The following NEDD1 variants were observed in gnomAD, a reference collection of about 807,000 sequenced individuals.
The protein encoded by NEDD1 is protein NEDD1.
Under a neutral mutation model 74.0 loss-of-function variants are expected in NEDD1, and 33 were observed. The ratio of observed to expected loss-of-function variants is 0.45; its 90% confidence interval spans 0.34 to 0.60. The LOEUF (loss-of-function observed/expected upper bound fraction) is 0.60. Among genes scored for constraint, NEDD1 ranks in the 20% least tolerant of loss-of-function variants. The probability of loss-of-function intolerance (pLI) is 0.01; values close to 1 mark genes in which losing one functional copy is unlikely to be tolerated. For missense variants in NEDD1, 746 were observed against 776.5 expected (o/e 0.96, Z 0.47); for synonymous variants, 250 against 264.4 (o/e 0.95, Z 0.53).
intron 6 of NEDD1, among the ~76,000 whole-genome samples, chr12:96,933,827 GACA>G (rs1303303931): frequency 6.6e-6 from 1 of 152,074 alleles, no homozygotes; most frequent in African/African-American, 2.4e-5. Context: ...CCTAGTAAAT[GACA>G]ACATCAATAC....
chr12:96,934,625 C>T (rs1299914425), intron 6 of NEDD1, among the ~76,000 whole-genome samples: 3 of 152,140 alleles, frequency 2.0e-5, no homozygotes, highest in East Asian at 3.9e-4. Flanking sequence ...GCAGCCTCCA[C>T]CTCCTAGGTT....
At chr12:96,930,386 G>A (rs1290782572) in intron 6 of NEDD1, among the ~76,000 whole-genome samples, 1 of 152,118 alleles carries the variant, frequency 6.6e-6, no homozygotes, top group African/African-American at 2.4e-5. Context: ...CCAGCAAAGA[G>A]AAAAGTGCAT....
intron 2 of NEDD1, 53 bp from the exon 3 acceptor site, chr12:96,909,699 A>T: frequency 6.9e-6 from 10 of 1,441,380 alleles, no homozygotes; most frequent in Admixed American, 5.8e-5. Flanking sequence ...CCTTTTTTTG[A>T]GTATGTCTAT....
chr12:96,924,806 T>C (rs894521363), intron 6 of NEDD1: 3 of 450,762 alleles, frequency 6.7e-6, no homozygotes, highest in African/African-American at 2.0e-5. Context: ...ATATATGTTA[T>C]TACTTTTTCT....
intron 6 of NEDD1, among the ~76,000 whole-genome samples, chr12:96,922,869 C>G (rs1875251608): frequency 6.6e-6 from 1 of 152,118 alleles, no homozygotes; most frequent in Non-Finnish European, 1.5e-5. Context: ...AATCTCAGCA[C>G]TTTGGGAGGC....
intron 3 of NEDD1, 42 bp downstream of exon 3, chr12:96,909,937 C>G: frequency 1.9e-6 from 3 of 1,569,502 alleles, no homozygotes; most frequent in Non-Finnish European, 2.6e-6. Context: ...CACACACAAA[C>G]CGCTTATTAG....
chr12:96,908,151 C>T lies in NEDD1; in HGVS notation c.-9+295C>T, dbSNP rs531346618. Among the ~76,000 whole-genome samples the T allele has an allele frequency of 1.1e-4, 17 of 152,326 alleles. No homozygotes were observed. In the South Asian group the frequency reaches 3.3e-3, roughly 30 times the overall value. Reference sequence around the variant, plus strand: ...GGGCACGTGTTACACATGTTTAAGGCTCCAAATCCAAACATTGTGTTACAT... The same window carrying T: ...GGGCACGTGTTACACATGTTTAAGGTTCCAAATCCAAACATTGTGTTACAT... On this transcript the variant is annotated intron_variant, in intron 2 of 15. Transcript: ENST00000266742.
chr12:96,932,463 A>AAAATATATATATATATAT, intron 6 of NEDD1, among the ~76,000 whole-genome samples: 1 of 9,438 alleles, frequency 1.1e-4, no homozygotes, highest in African/African-American at 3.4e-4. Context: ...AAAAAAAAAA[A>AAAATATATATATATATAT]ATATATATAT....
chr12:96,921,471 G>A (rs1875084121), intron 6 of NEDD1, among the ~76,000 whole-genome samples: 1 of 152,064 alleles, frequency 6.6e-6, no homozygotes, highest in Non-Finnish European at 1.5e-5. Flanking sequence ...ATGAGCCACT[G>A]CACCCAGCCA....
chr12:96,916,705 G>A (rs181597702), intron 4 of NEDD1, among the ~76,000 whole-genome samples: 1,680 of 151,456 alleles, frequency 0.011, 15 homozygotes, highest in South Asian at 0.018. Context: ...GAGTAATGCC[G>A]CAATAAACAT....
intron 13 of NEDD1, among the ~76,000 whole-genome samples, chr12:96,945,159 T>C (rs1878075989): frequency 6.6e-6 from 1 of 152,098 alleles, no homozygotes; most frequent in African/African-American, 2.4e-5. Context: ...TGCAGACCCA[T>C]ACAAACTTCA....
chr12:96,911,599 G>A (rs892008864), intron 3 of NEDD1, among the ~76,000 whole-genome samples: 9 of 152,072 alleles, frequency 5.9e-5, no homozygotes, highest in African/African-American at 1.9e-4. Flanking sequence ...TTTAACTTAC[G>A]TTCCTCACTT....
chr12:96,933,966 T>A (rs1352066214), intron 6 of NEDD1, among the ~76,000 whole-genome samples: 1 of 152,210 alleles, frequency 6.6e-6, no homozygotes, highest in African/African-American at 2.4e-5. Flanking sequence ...GAAGAGAGAA[T>A]ATCTCCACTA....
chr12:96,918,677 C>T (rs544328895), intron 5 of NEDD1, among the ~76,000 whole-genome samples: 1 of 152,276 alleles, frequency 6.6e-6, no homozygotes, highest in East Asian at 1.9e-4. Context: ...TCTCTACAGT[C>T]GTCTCCCTGG....
intron 3 of NEDD1, among the ~76,000 whole-genome samples, chr12:96,910,946 T>C (rs1255024923): frequency 6.6e-6 from 1 of 152,222 alleles, no homozygotes; most frequent in Non-Finnish European, 1.5e-5. Context: ...ACAAAAATAT[T>C]AAAAGTTTTA....
chr12:96,913,227 A>G (rs1874101682), intron 4 of NEDD1, among the ~76,000 whole-genome samples: 1 of 152,152 alleles, frequency 6.6e-6, no homozygotes, highest in African/African-American at 2.4e-5. Context: ...AGCTGATGGT[A>G]GCTCTCTGCT....
At chr12:96,916,228 G>T (rs866882652) in intron 4 of NEDD1, among the ~76,000 whole-genome samples, 1 of 116,246 alleles carries the variant, frequency 8.6e-6, no homozygotes, top group African/African-American at 3.5e-5. Context: ...AGCCGTTGAA[G>T]ATTTATTATT....
intron 6 of NEDD1, among the ~76,000 whole-genome samples, chr12:96,932,861 CAA>C (rs550793067): frequency 1.6e-3 from 247 of 151,908 alleles, no homozygotes; most frequent in South Asian, 0.013. Context: ...GTCAGGAAAA[CAA>C]GAGTGTTTTC....
Position 96,935,034 on chromosome 12 carries a change from A to C in NEDD1, c.548A>C (p.Asp183Ala). The C allele has an allele frequency of 6.2e-7, 1 of 1,612,664 alleles. No homozygotes were observed. The highest frequency in any genetic ancestry group is 8.5e-7 in the Non-Finnish European group (1 of 1,178,636). The stretch of plus-strand genomic sequence containing the variant: ...AAATCACTACTGGGCAGTGTTTCGG[A>C]TAATGGAATAGTAACTCTCTGGGAT... ...FKKSLLGSVS[D>A]NGIVTLWDVN... Residue 183 changes from aspartate to alanine, a missense_variant, in exon 7 of 16, where the codon GAT becomes GCT. Asp to Ala is a moderately radical substitution (Grantham distance 126). This residue lies in a region of NEDD1 where 706 missense variants were observed against 706.7 expected (regional missense o/e 1.00). Transcript: ENST00000266742.
Sources: gnomAD v4.1 joint callset for allele counts (sites outside exome capture counted in the v4.1 genomes callset) on GRCh38, gnomAD v4.1.1 for gene constraint, gnomAD v4.1.1 regional missense constraint, MANE v1.5 for transcripts, NCBI Gene and HGNC (gene_info 2026-07-23, HGNC 2026-07-21) for gene names.